The following INTS9 variants were observed in gnomAD, a reference collection of about 807,000 sequenced individuals.
INTS9 encodes the protein integrator complex subunit 9.
In INTS9, 55 loss-of-function variants were observed where a neutral mutation model predicts 79.7. That is an observed-to-expected ratio of 0.69 (90% confidence interval 0.56 to 0.86). INTS9 has a LOEUF of 0.86. INTS9 is among the 40% of genes least tolerant of loss of function. The probability of loss-of-function intolerance (pLI) is 0.00; values close to 1 mark genes in which losing one functional copy is unlikely to be tolerated. For missense variants in INTS9, 721 were observed against 831.5 expected (o/e 0.87, Z 1.64); for synonymous variants, 319 against 325.2 (o/e 0.98, Z 0.20).
intron 6 of INTS9, among the ~76,000 whole-genome samples, chr8:28,814,797 G>A (rs1239590146): frequency 6.6e-6 from 1 of 152,128 alleles, no homozygotes; most frequent in African/African-American, 2.4e-5. Context: ...TCCCCTCAGG[G>A]TAGGGGGCTG....
intron 10 of INTS9, among the ~76,000 whole-genome samples, chr8:28,792,559 A>G (rs1395335667): frequency 6.6e-6 from 1 of 151,986 alleles, no homozygotes; most frequent in Non-Finnish European, 1.5e-5. Flanking sequence ...AAACAAAAAA[A>G]AAAATTTGTG....
intron 8 of INTS9, among the ~76,000 whole-genome samples, chr8:28,808,094 T>C (rs985169063): frequency 7.2e-5 from 11 of 152,170 alleles, no homozygotes; most frequent in Admixed American, 7.2e-4. Flanking sequence ...TTCCTTTAAC[T>C]CTCCATCCAT....
chr8:28,871,032 T>C (rs1420695916), intron 1 of INTS9, among the ~76,000 whole-genome samples: 1 of 152,236 alleles, frequency 6.6e-6, no homozygotes, highest in Non-Finnish European at 1.5e-5. Context: ...GTTATTCACA[T>C]GCATTTATGT....
At chr8:28,874,625 C>T (rs1267698219) in intron 1 of INTS9, among the ~76,000 whole-genome samples, 1 of 152,100 alleles carries the variant, frequency 6.6e-6, no homozygotes, top group East Asian at 1.9e-4. Flanking sequence ...TGAAACTTTT[C>T]CTGGAAAACA....
chr8:28,805,239 T>A (rs747396666), intron 8 of INTS9, among the ~76,000 whole-genome samples: 2 of 152,218 alleles, frequency 1.3e-5, no homozygotes, highest in Non-Finnish European at 2.9e-5. Context: ...GCTTCAGGGT[T>A]CTTAATGACA....
chr8:28,870,131 A>T (rs1808996871), intron 1 of INTS9, among the ~76,000 whole-genome samples: 1 of 152,134 alleles, frequency 6.6e-6, no homozygotes, highest in African/African-American at 2.4e-5. Context: ...GATGAAAAAA[A>T]GTTCATGGAA....
In INTS9 at chr8:28,835,321, G is replaced by C. The variant is rs1806743793; in HGVS notation, c.459C>G (p.Ala153=). Residue 153 remains alanine (A), a synonymous_variant, in exon 6 of 17, where the codon GCC becomes GCG. Coordinates refer to ENST00000521022, the MANE Select transcript of INTS9 (RefSeq NM_018250.4). ...FIERVPKAQS[A]SLWKNKDIQR... is the part of the protein sequence containing the mutation. ...GAATGTCCTTATTCTTCCACAAGGA[G>C]GCAGACTGAGCCTTTGGCACTCTTT... 4 of 1,613,766 alleles carry C rather than the reference G, an allele frequency of 2.5e-6. No homozygotes were observed. Among genetic ancestry groups the C allele is most frequent in the Non-Finnish European group, 3.4e-6 (4 of 1,179,752 alleles).
At position 28,771,157 on chromosome 8, in the gene INTS9, C is replaced by T. The variant is rs967700420; in HGVS notation, c.1564-77G>A. 5.9e-6 allele frequency: 6 copies of T among 1,020,788 alleles called. No individual in the cohort carries two copies. In the African/African-American group the frequency reaches 9.6e-5, roughly 16 times the overall value. The allele number at this position is 1,020,788 out of a possible 1,614,324, so 63.2% of individuals were successfully genotyped here. A position where few individuals can be genotyped will look rare whatever the true frequency, so the allele number is the denominator to read the frequency against. On this transcript the variant is annotated intron_variant, in intron 14 of 16. Coordinates refer to ENST00000521022, the MANE Select transcript of INTS9 (RefSeq NM_018250.4). ...CTCTTCCTTTAATCTGTATTTACAT[C>T]ACTGCAGTCTAAAAAGATGAAATAA...
intron 1 of INTS9, among the ~76,000 whole-genome samples, chr8:28,860,782 C>T (rs1369464019): frequency 6.6e-6 from 1 of 152,154 alleles, no homozygotes; most frequent in African/African-American, 2.4e-5. Context: ...GCGCCCGACC[C>T]TCTCCTGATT....
At position 28,873,290 on chromosome 8, in the gene INTS9, G is replaced by C. The variant is rs1018169693; in HGVS notation, c.10-13727C>G. Among the ~76,000 whole-genome samples, 3 of 152,142 alleles carry C rather than the reference G, an allele frequency of 2.0e-5. No homozygotes were observed. The South Asian group carries it at 6.2e-4, about 31-fold the overall frequency. On this transcript the variant is annotated intron_variant, in intron 1 of 16. Coordinates refer to ENST00000521022, the MANE Select transcript of INTS9 (RefSeq NM_018250.4). ...GGTTTCCTGAAGAACCCCACATAAAGATGGTCATTTATCTTTATGGATAGA... is the reference window on the plus strand; with the variant it reads ...GGTTTCCTGAAGAACCCCACATAAACATGGTCATTTATCTTTATGGATAGA...
At chr8:28,884,168 CTTTTTTTTTTTTT>C (rs35799882) in intron 1 of INTS9, among the ~76,000 whole-genome samples, 553 of 47,022 alleles carry the variant, frequency 0.012, 6 homozygotes, top group African/African-American at 0.033. Context: ...ATCAGTGTAT[CTTTTTTTTTTTTT>C]TTTTTTTTTT....
intron 1 of INTS9, among the ~76,000 whole-genome samples, chr8:28,884,043 A>G (rs1810037223): frequency 1.3e-5 from 2 of 152,072 alleles, no homozygotes; most frequent in Non-Finnish European, 2.9e-5. Flanking sequence ...TACCGTGGTT[A>G]TAGCAAGAGT....
intron 1 of INTS9, among the ~76,000 whole-genome samples, chr8:28,875,173 C>T (rs1319219406): frequency 6.6e-6 from 1 of 152,098 alleles, no homozygotes; most frequent in Non-Finnish European, 1.5e-5. Flanking sequence ...ATGAGATTTG[C>T]GTGGAGACAC....
intron 14 of INTS9, among the ~76,000 whole-genome samples, chr8:28,772,107 C>T (rs1230786536): frequency 6.6e-6 from 1 of 152,224 alleles, no homozygotes; most frequent in Non-Finnish European, 1.5e-5. Context: ...AGTGATCCTC[C>T]TGCCTTGGCC....
intron 16 of INTS9, 101 bp downstream of exon 16, chr8:28,769,788 G>A (rs955826520): frequency 6.9e-7 from 1 of 1,459,182 alleles, no homozygotes; most frequent in Non-Finnish European, 9.4e-7. Context: ...GGGACTAAGT[G>A]ACAAGCAGCA....
At position 28,772,148 on chromosome 8, in the gene INTS9, A is replaced by G. The variant is rs192898294; in HGVS notation, c.1564-1068T>C. On this transcript the variant is annotated intron_variant, in intron 14 of 16. Coordinates refer to ENST00000521022, the MANE Select transcript of INTS9 (RefSeq NM_018250.4). ...AGGGCTGGGATTACAGGCCTGAGCCAATGTGCCTGGCCATAATGTCCATTT... is the reference window on the plus strand; with the variant it reads ...AGGGCTGGGATTACAGGCCTGAGCCGATGTGCCTGGCCATAATGTCCATTT... Among the ~76,000 whole-genome samples, 133 of 152,318 alleles carry G rather than the reference A, an allele frequency of 8.7e-4. 2 individuals carry two copies. The highest frequency in any genetic ancestry group is 1.5e-3 in the Non-Finnish European group (105 of 68,024).
chr8:28,881,243 G>T (rs1199256068), intron 1 of INTS9, among the ~76,000 whole-genome samples: 8 of 150,418 alleles, frequency 5.3e-5, no homozygotes, highest in Non-Finnish European at 1.2e-4. Context: ...CCCCGTCCAG[G>T]AGGGAGGTGG....
rs1378962130 is a variant in INTS9 at position 28,767,956 on chromosome 8, A to AAAGT, written c.*186_*189dup. 23 of 616,086 alleles carry AAAGT rather than the reference A, an allele frequency of 3.7e-5. No homozygotes were observed. The highest frequency in any genetic ancestry group is 1.3e-4 in the South Asian group (7 of 51,978). 38.2% of individuals were successfully genotyped at this position (616,086 alleles called of 1,614,324 possible). A position where few individuals can be genotyped will look rare whatever the true frequency, so the allele number is the denominator to read the frequency against. On this transcript the variant is annotated 3_prime_UTR_variant, in exon 17 of 17. Transcript: ENST00000521022. ...GAAAATGAGCCTGAAGTTGAAAGGG[A>AAAGT]AAGTTCTTGCCTGAAACAGTGCTGG...
chr8:28,829,055 A>C (rs1446942463), intron 6 of INTS9, among the ~76,000 whole-genome samples: 1 of 152,358 alleles, frequency 6.6e-6, no homozygotes, highest in Middle Eastern at 3.4e-3. Context: ...TGCCATAAAA[A>C]TTCAGCCAAG....
Sources: allele counts gnomAD v4.1 joint callset (sites outside exome capture counted in the v4.1 genomes callset), GRCh38; gene constraint gnomAD v4.1.1; transcripts MANE v1.5; gene names NCBI Gene and HGNC (gene_info 2026-07-23, HGNC 2026-07-21).